Variants in CLSTN2 observed in about 807,000 individuals in gnomAD.
CLSTN2 encodes the protein calsyntenin 2.
CLSTN2 carries 48 observed loss-of-function variants against 101.2 expected under a neutral mutation model. That is an observed-to-expected ratio of 0.47 (90% confidence interval 0.38 to 0.60). CLSTN2 has a LOEUF of 0.60. Ranked by LOEUF, CLSTN2 falls within the 20% of genes least tolerant of loss-of-function variation. The pLI is 0.00. For synonymous variants in CLSTN2, 481 were observed against 463.6 expected (o/e 1.04, Z -0.48); for missense variants, 1,160 against 1,238.2 (o/e 0.94, Z 0.95).
chr3:140,394,323 G>C (rs901179934), intron 2 of CLSTN2, among the ~76,000 whole-genome samples: 1 of 152,170 alleles, frequency 6.6e-6, no homozygotes, highest in Admixed American at 6.5e-5. Flanking sequence ...TTTGAATCCA[G>C]GTTTACCCTT....
chr3:140,459,499 T>C, intron 6 of CLSTN2, 22 bp from the exon 7 acceptor site: 3 of 1,612,376 alleles, frequency 1.9e-6, no homozygotes, highest in South Asian at 1.1e-5. Flanking sequence ...CCTGTTATCC[T>C]TTCTTTCCTG....
At position 140,575,836 on chromosome 3, in the gene CLSTN2, A is replaced by C. The variant is rs1010056988; in HGVS notation, c.*9583A>C. On this transcript the variant is annotated 3_prime_UTR_variant, in exon 17 of 17. Transcript: ENST00000458420. ...TGTATATGTGTGCATATATGTGTACATATACACATACCCCAAAGCCATATA... is the reference window on the plus strand; with the variant it reads ...TGTATATGTGTGCATATATGTGTACCTATACACATACCCCAAAGCCATATA... 1 of 152,180 alleles carries C rather than the reference A, an allele frequency of 6.6e-6. No homozygotes were observed. Among genetic ancestry groups the C allele is most frequent in the African/African-American group, 2.4e-5 (1 of 41,450 alleles). 9.4% of individuals were successfully genotyped at this position (152,180 alleles called of 1,614,324 possible).
intron 2 of CLSTN2, among the ~76,000 whole-genome samples, chr3:140,368,553 T>C (rs1052426140): frequency 2.0e-5 from 3 of 152,186 alleles, no homozygotes; most frequent in African/African-American, 7.2e-5. Context: ...TCTATGTCCC[T>C]GGTTCCTGCC....
intron 12 of CLSTN2, among the ~76,000 whole-genome samples, chr3:140,560,847 T>A (rs1935897799): frequency 6.6e-6 from 1 of 152,146 alleles, no homozygotes; most frequent in Non-Finnish European, 1.5e-5. Flanking sequence ...GGAAGGCCAT[T>A]GAAATAAAGA....
chr3:140,426,240 C>G (rs1008614319), intron 5 of CLSTN2, among the ~76,000 whole-genome samples: 3 of 152,154 alleles, frequency 2.0e-5, no homozygotes, highest in Non-Finnish European at 4.4e-5. Flanking sequence ...AGATATTAAG[C>G]GCCACATGCA....
intron 1 of CLSTN2, among the ~76,000 whole-genome samples, chr3:139,948,033 C>T (rs375724519): frequency 1.1e-4 from 16 of 152,138 alleles, no homozygotes; most frequent in African/African-American, 3.9e-4. Flanking sequence ...CCAATGGCCA[C>T]AGCAACAGAA....
chr3:140,548,637 A>G (rs1935649346), intron 10 of CLSTN2, among the ~76,000 whole-genome samples: 1 of 152,222 alleles, frequency 6.6e-6, no homozygotes, highest in Admixed American at 6.5e-5. Flanking sequence ...GTGAGTGATG[A>G]GAGAGGGCTG....
At chr3:140,429,012 C>A (rs141219268) in intron 5 of CLSTN2, among the ~76,000 whole-genome samples, 1 of 152,046 alleles carries the variant, frequency 6.6e-6, no homozygotes, top group Non-Finnish European at 1.5e-5. Context: ...TAAGACCATG[C>A]GGAAAATACT....
At chr3:140,274,128 C>T (rs1339631994) in intron 2 of CLSTN2, among the ~76,000 whole-genome samples, 1 of 152,134 alleles carries the variant, frequency 6.6e-6, no homozygotes, top group African/African-American at 2.4e-5. Context: ...ATTGATCTTA[C>T]CACACAGGGC....
chr3:140,497,444 T>C (rs1232090236), intron 8 of CLSTN2, among the ~76,000 whole-genome samples: 2 of 152,108 alleles, frequency 1.3e-5, no homozygotes, highest in African/African-American at 4.8e-5. Flanking sequence ...GATTGCTTCT[T>C]GACCGAACCA....
intron 1 of CLSTN2, among the ~76,000 whole-genome samples, chr3:139,984,382 C>T (rs1935987495): frequency 6.6e-6 from 1 of 152,200 alleles, no homozygotes; most frequent in African/African-American, 2.4e-5. Context: ...GTCACTCTCT[C>T]TGCTCTTATT....
intron 1 of CLSTN2, among the ~76,000 whole-genome samples, chr3:140,146,903 C>T (rs1701124493): frequency 6.6e-6 from 1 of 152,202 alleles, no homozygotes; most frequent in South Asian, 2.1e-4. Flanking sequence ...TGCATTTATT[C>T]TTCAACCCTT....
chr3:140,141,350 C>T (rs2009694281), intron 1 of CLSTN2, among the ~76,000 whole-genome samples: 1 of 152,184 alleles, frequency 6.6e-6, no homozygotes, highest in Non-Finnish European at 1.5e-5. Flanking sequence ...CAGATGGAAA[C>T]TGCTTGCCAT....
At chr3:140,461,484 G>A (rs1219673357) in intron 7 of CLSTN2, 2 of 152,210 alleles carry the variant, frequency 1.3e-5, no homozygotes, top group Admixed American at 6.5e-5. Context: ...AAGTCAGACA[G>A]ATATAAATGT....
intron 1 of CLSTN2, among the ~76,000 whole-genome samples, chr3:139,943,733 G>A (rs148265989): frequency 3.3e-5 from 5 of 152,260 alleles, no homozygotes; most frequent in Admixed American, 3.3e-4. Flanking sequence ...AAATCAGCTC[G>A]TCTCAGTTTT....
At chr3:140,439,471 G>T (rs2088735116) in intron 5 of CLSTN2, among the ~76,000 whole-genome samples, 2 of 152,114 alleles carry the variant, frequency 1.3e-5, no homozygotes, top group Non-Finnish European at 2.9e-5. Context: ...GTTGATTTGG[G>T]GCCAAATTAT....
At chr3:140,171,619 A>T (rs1310601743) in intron 1 of CLSTN2, among the ~76,000 whole-genome samples, 3 of 134,546 alleles carry the variant, frequency 2.2e-5, no homozygotes, top group African/African-American at 8.4e-5. Flanking sequence ...ATTATATATT[A>T]TATAATATGT....
intron 6 of CLSTN2, chr3:140,452,803 C>T (rs1398346873): frequency 1.3e-5 from 2 of 152,234 alleles, no homozygotes; most frequent in Non-Finnish European, 2.9e-5. Context: ...TCCCCTGAAC[C>T]TCTGTGTCCC....
At chr3:140,478,872 G>GAGGAAGGA (rs34907334) in intron 8 of CLSTN2, among the ~76,000 whole-genome samples, 8,799 of 141,408 alleles carry the variant, frequency 0.062, 354 homozygotes, top group African/African-American at 0.1. Context: ...AAGGGGGAAG[G>GAGGAAGGA]AGGAAGGAAG....
Sources: gnomAD v4.1 joint callset for allele counts (sites outside exome capture counted in the v4.1 genomes callset) on GRCh38, gnomAD v4.1.1 for gene constraint, MANE v1.5 for transcripts, NCBI Gene and HGNC (gene_info 2026-07-23, HGNC 2026-07-21) for gene names.